Variants in COL19A1 observed in about 807,000 individuals in gnomAD.
COL19A1 encodes collagen alpha-1(XIX) chain.
A neutral mutation model predicts 190.2 loss-of-function variants in COL19A1; 159 were observed. That is an observed-to-expected ratio of 0.84 (90% CI 0.73 to 0.95). The LOEUF is 0.95. COL19A1 is among the 40% of genes least tolerant of loss of function. The pLI, the probability that COL19A1 is intolerant of heterozygous loss-of-function variation, is 0.00. For missense variants in COL19A1, 1,418 were observed against 1,431.9 expected (o/e 0.99, Z 0.16); for synonymous variants, 509 against 458.9 (o/e 1.11, Z -1.39).
intron 15 of COL19A1, among the ~76,000 whole-genome samples, chr6:70,070,768 C>T (rs774172856): frequency 1.3e-5 from 2 of 152,014 alleles, no homozygotes; most frequent in Non-Finnish European, 2.9e-5. Flanking sequence ...TACATGTATG[C>T]CTGTGTATAT....
At chr6:70,167,072 G>A (rs953803510) in intron 37 of COL19A1, among the ~76,000 whole-genome samples, 51 of 152,196 alleles carry the variant, frequency 3.4e-4, no homozygotes, top group Admixed American at 2.5e-3. Context: ...TCTCCAGGAC[G>A]TAGCACACTA....
At chr6:69,901,244 A>G (rs1187867600) in intron 4 of COL19A1, among the ~76,000 whole-genome samples, 1 of 152,226 alleles carries the variant, frequency 6.6e-6, no homozygotes, top group Non-Finnish European at 1.5e-5. Context: ...GACAGACAAG[A>G]TTGTGGAGAA....
chr6:70,108,252 T>A (rs1366403688), intron 16 of COL19A1, among the ~76,000 whole-genome samples: 3 of 152,196 alleles, frequency 2.0e-5, no homozygotes, highest in Non-Finnish European at 4.4e-5. Flanking sequence ...AAAATTGTGT[T>A]ATTATTTCTT....
At chr6:70,132,863 C>T (rs1785609852) in intron 18 of COL19A1, among the ~76,000 whole-genome samples, 1 of 152,190 alleles carries the variant, frequency 6.6e-6, no homozygotes, top group South Asian at 2.1e-4. Context: ...CTTCATTTCT[C>T]TAAGCATGCA....
intron 2 of COL19A1, among the ~76,000 whole-genome samples, chr6:69,888,773 A>C: frequency 8.9e-6 from 1 of 112,390 alleles, no homozygotes; most frequent in East Asian, 2.2e-4. Context: ...GTGAGACTCT[A>C]GCTCAAAAAA....
At chr6:70,083,325 G>A (rs1782389101) in intron 15 of COL19A1, among the ~76,000 whole-genome samples, 1 of 151,980 alleles carries the variant, frequency 6.6e-6, no homozygotes. Flanking sequence ...AAAGTGTACA[G>A]TTTTGTAATT....
At chr6:69,967,274 G>A (rs1237156798) in intron 11 of COL19A1, among the ~76,000 whole-genome samples, 2 of 152,136 alleles carry the variant, frequency 1.3e-5, no homozygotes, top group African/African-American at 4.8e-5. Context: ...TTCTGCTGGT[G>A]TGGAAATTTT....
At chr6:70,059,316 T>C (rs527845065) in intron 14 of COL19A1, among the ~76,000 whole-genome samples, 1 of 152,272 alleles carries the variant, frequency 6.6e-6, no homozygotes, top group South Asian at 2.1e-4. Flanking sequence ...TTCAGCTCCT[T>C]TTCTTGATTA....
intron 9 of COL19A1, among the ~76,000 whole-genome samples, chr6:69,945,695 T>C (rs1773753454): frequency 6.6e-6 from 1 of 152,008 alleles, no homozygotes; most frequent in African/African-American, 2.4e-5. Context: ...TTTTACCCAA[T>C]TTGATATAAT....
At chr6:69,879,891 A>G (rs1768403546) in intron 2 of COL19A1, 1 of 533,540 alleles carries the variant, frequency 1.9e-6, no homozygotes, top group East Asian at 2.9e-5. Flanking sequence ...TTCATCTTCA[A>G]TATTTACAAG....
At chr6:70,085,383 C>T (rs1485994505) in intron 15 of COL19A1, among the ~76,000 whole-genome samples, 10 of 152,260 alleles carry the variant, frequency 6.6e-5, no homozygotes, top group African/African-American at 2.4e-4. Context: ...GTCATTAAGC[C>T]AGTTAGCACT....
chr6:69,942,650 C>T (rs1773544028), intron 9 of COL19A1, among the ~76,000 whole-genome samples: 1 of 151,972 alleles, frequency 6.6e-6, no homozygotes, highest in African/African-American at 2.4e-5. Flanking sequence ...GCTTATTTCA[C>T]TTACAACAAT....
At chr6:69,967,638 C>T (rs1487245709) in intron 11 of COL19A1, among the ~76,000 whole-genome samples, 2 of 152,132 alleles carry the variant, frequency 1.3e-5, no homozygotes, top group East Asian at 3.9e-4. Flanking sequence ...TGTAAATTTC[C>T]AGTGACTTGT....
rs115960782 is a variant in COL19A1, at chr6:69,939,792, G to A, written c.936+1692G>A. ...CCCAACTCTTCTCTGGTTAGAGGGT[G>A]AATTTGGCCAAGCCACTCAGACTCT... On this transcript the variant is annotated intron_variant, in intron 9 of 50. Coordinates refer to ENST00000620364, the MANE Select transcript of COL19A1 (RefSeq NM_001858.6). Among the ~76,000 whole-genome samples, 1,370 of 152,128 alleles carry A rather than the reference G, an allele frequency of 9.0e-3. 24 individuals are homozygous for A. The highest frequency in any genetic ancestry group is 0.027 in the South Asian group (131 of 4,818).
At chr6:70,023,398 A>G (rs893710666) in intron 11 of COL19A1, among the ~76,000 whole-genome samples, 2 of 152,102 alleles carry the variant, frequency 1.3e-5, no homozygotes, top group Non-Finnish European at 2.9e-5. Context: ...GGCCTCCCAA[A>G]GTGCTAGGAT....
chr6:70,055,805 A>G (rs1364238229), intron 14 of COL19A1, among the ~76,000 whole-genome samples: 1 of 143,238 alleles, frequency 7.0e-6, no homozygotes, highest in African/African-American at 2.5e-5. Flanking sequence ...AAAAAAAAAA[A>G]TTCACATTTT....
chr6:70,136,526 C>T (rs1235085483), intron 18 of COL19A1, among the ~76,000 whole-genome samples: 4 of 152,016 alleles, frequency 2.6e-5, no homozygotes, highest in African/African-American at 9.7e-5. Flanking sequence ...AAAAACAAGT[C>T]ATAGTATGTT....
Position 70,082,807 on chromosome 6 carries a change from G to A in COL19A1, c.1224+14331G>A, listed in dbSNP as rs1036677410. 2.0e-5 allele frequency among the ~76,000 whole-genome samples: 3 copies of A among 152,130 alleles called. No individual in the cohort carries two copies. The South Asian group carries it at 6.2e-4, about 32-fold the overall frequency. ...TTTCTGGAAGATTTTTCAAGGACTGGGGTTGAAGATAGGGTTTCAGGGTGA... is the reference window on the plus strand; with the variant it reads ...TTTCTGGAAGATTTTTCAAGGACTGAGGTTGAAGATAGGGTTTCAGGGTGA... On this transcript the variant is annotated intron_variant, in intron 15 of 50. Coordinates refer to ENST00000620364, the MANE Select transcript of COL19A1 (RefSeq NM_001858.6).
Position 70,034,311 on chromosome 6 carries a change from C to T in COL19A1, c.1134+13C>T. 2 of 1,605,612 alleles carry T rather than the reference C, an allele frequency of 1.2e-6. No individual in the cohort carries two copies. The highest frequency in any genetic ancestry group is 1.7e-4 in the Middle Eastern group (1 of 6,058). ...AAAAGGAGAAAAGGTATTGTGTTTA[C>T]CCAGCCAAGCCCAACCTTTCTTTAA... On this transcript the variant is annotated intron_variant, in intron 13 of 50. Coordinates refer to ENST00000620364, the MANE Select transcript of COL19A1 (RefSeq NM_001858.6).
Sources: allele counts gnomAD v4.1 joint callset (sites outside exome capture counted in the v4.1 genomes callset), GRCh38; gene constraint gnomAD v4.1.1; transcripts MANE v1.5; gene names NCBI Gene and HGNC (gene_info 2026-07-23, HGNC 2026-07-21).